The following PDE4C variants were observed in gnomAD, a reference collection of about 807,000 sequenced individuals.
PDE4C encodes phosphodiesterase 4C.
PDE4C carries 50 observed loss-of-function variants against 63.9 expected under a neutral mutation model. That is an observed-to-expected ratio of 0.78 (90% CI 0.62 to 0.99). The LOEUF is 0.99. Among genes scored for constraint, PDE4C ranks in the 50% least tolerant of loss-of-function variants. The pLI is 0.00. For missense variants in PDE4C, 777 were observed against 899.1 expected (o/e 0.86, Z 1.74); for synonymous variants, 377 against 385.1 (o/e 0.98, Z 0.25).
At chr19:18,237,869 T>G (rs560576032), upstream of PDE4C, among the ~76,000 whole-genome samples, 229 of 59,038 alleles carry the variant, frequency 3.9e-3, 3 homozygotes, top group African/African-American at 0.021. Flanking sequence ...CGAGACTCCA[T>G]CTCAAAAAAA....
intron 13 of PDE4C, among the ~76,000 whole-genome samples, chr19:18,212,699 G>GT (rs1427144404): frequency 1.3e-5 from 2 of 149,520 alleles, no homozygotes; most frequent in Non-Finnish European, 3.0e-5. Flanking sequence ...GTTTTGGCTT[G>GT]TTTTTTTGAG....
upstream of PDE4C, chr19:18,226,538 G>A (rs1968735565): frequency 7.2e-6 from 5 of 695,466 alleles, no homozygotes; most frequent in East Asian, 3.5e-5. Context: ...CGAGGCCGGC[G>A]GCTCCCTGAC....
At chr19:18,232,831 G>A in intron 1 of PDE4C, 1 of 1,198,606 alleles carries the variant, frequency 8.3e-7, no homozygotes, top group Non-Finnish European at 1.1e-6. Context: ...CCAGGCGCCA[G>A]CCTCAACCAA....
exon 10 of PDE4C, chr19:18,218,397 G>A (rs1568666268): frequency 6.2e-7 from 1 of 1,614,260 alleles, no homozygotes; most frequent in South Asian, 1.1e-5. Flanking sequence ...CATGTAGGCT[G>A]TTGTGGTAGG....
Position 18,215,716 on chromosome 19 carries a change from T to C in PDE4C, c.1389+1025A>G, listed in dbSNP as rs1346332704. On this transcript the variant is annotated intron_variant, in intron 12 of 14. Coordinates refer to ENST00000262805, the Ensembl canonical transcript of PDE4C. ...TTTTAGTAGAGACAGGGTTTCACCA[T>C]GTTGGCCAGGATGGTCTTGATCTCT... Among the ~76,000 whole-genome samples, 7 of 151,790 alleles carry C rather than the reference T, an allele frequency of 4.6e-5. 1 individual carries two copies. The highest frequency in any genetic ancestry group is 4.6e-4 in the Admixed American group (7 of 15,222).
upstream of PDE4C, among the ~76,000 whole-genome samples, chr19:18,251,676 A>ACCCCCCC (rs1969230557): frequency 0.025 from 589 of 23,582 alleles, 6 homozygotes; most frequent in African/African-American, 0.065. Context: ...CTCGTGATAC[A>ACCCCCCC]CGCCCCCCCC....
the PDE4C span, among the ~76,000 whole-genome samples, chr19:18,254,407 A>C: frequency 6.6e-6 from 1 of 152,192 alleles, no homozygotes; most frequent in Admixed American, 6.5e-5. Context: ...GAGCTGCTGA[A>C]GGGTTGACCA....
At chr19:18,224,334 C>T (rs1968631381) in intron 1 of PDE4C, 1 of 985,350 alleles carries the variant, frequency 1.0e-6, no homozygotes, top group African/African-American at 1.7e-5. Flanking sequence ...GGCCAGTGTC[C>T]GGCTGGTCCC....
chr19:18,227,461 C>T (rs906740758), upstream of PDE4C, among the ~76,000 whole-genome samples: 5 of 152,278 alleles, frequency 3.3e-5, no homozygotes, highest in Middle Eastern at 3.4e-3. Context: ...TTCTGTCCTG[C>T]GAAACCTCAG....
intron 1 of PDE4C, among the ~76,000 whole-genome samples, chr19:18,239,887 AT>A (rs1969009388): frequency 6.6e-6 from 1 of 151,994 alleles, no homozygotes; most frequent in Non-Finnish European, 1.5e-5. Flanking sequence ...TTAGCCGAGC[AT>A]GGCGCTTTGC....
chr19:18,234,969 T>A (rs1307487792), upstream of PDE4C, among the ~76,000 whole-genome samples: 1 of 152,230 alleles, frequency 6.6e-6, no homozygotes, highest in Non-Finnish European at 1.5e-5. Flanking sequence ...ACATGGTCAC[T>A]GGCTGGCTCT....
At chr19:18,234,791 A>G (rs1968922254), upstream of PDE4C, among the ~76,000 whole-genome samples, 1 of 152,128 alleles carries the variant, frequency 6.6e-6, no homozygotes, top group Non-Finnish European at 1.5e-5. Context: ...TTGGGCCAGG[A>G]TGTCAGACAG....
rs148010628 is a variant in PDE4C, at chr19:18,245,905, G to A, written c.-210+2266C>T. On this transcript the variant is annotated intron_variant, in intron 1 of 15. Transcript: ENST00000594617. ...GTTGTCCAGGCTGGAGTGCAGTGGC[G>A]CAATCTCAGCTCACTACAAACTTCA... Among the ~76,000 whole-genome samples, 261 of 151,246 alleles carry A rather than the reference G, an allele frequency of 1.7e-3. 2 individuals carry two copies. Among genetic ancestry groups the A allele is most frequent in the African/African-American group, 5.9e-3 (242 of 41,208 alleles).
At chr19:18,235,539 C>G (rs184307390), upstream of PDE4C, among the ~76,000 whole-genome samples, 7 of 152,248 alleles carry the variant, frequency 4.6e-5, no homozygotes, top group East Asian at 1.4e-3. Context: ...TGGCTCCCAC[C>G]CTGGTCCAAG....
At chr19:18,250,051 G>T, upstream of PDE4C, 1 of 398,730 alleles carries the variant, frequency 2.5e-6, no homozygotes, top group Non-Finnish European at 4.4e-6. Context: ...AATGGTAGGG[G>T]CTTTATTTCC....
At chr19:18,218,090 G>A (rs375339182) in intron 11 of PDE4C, 59 bp downstream of exon 11, 15 of 1,280,828 alleles carry the variant, frequency 1.2e-5, no homozygotes, top group African/African-American at 1.0e-4. Flanking sequence ...ATCACCTGGT[G>A]GACAGGGTGG....
At chr19:18,229,679 G>GTA (rs1315728348), upstream of PDE4C, among the ~76,000 whole-genome samples, 1 of 152,102 alleles carries the variant, frequency 6.6e-6, no homozygotes, top group African/African-American at 2.4e-5. Flanking sequence ...TTACAGATGA[G>GTA]TAAACTGAGA....
upstream of PDE4C, among the ~76,000 whole-genome samples, chr19:18,249,681 C>G (rs1288704742): frequency 6.6e-6 from 1 of 150,396 alleles, no homozygotes; most frequent in Non-Finnish European, 1.5e-5. Context: ...TCAAGCGATT[C>G]TCTGCCTCAG....
intron 1 of PDE4C, chr19:18,224,148 G>T: frequency 1.1e-6 from 1 of 949,960 alleles, no homozygotes; most frequent in Non-Finnish European, 1.3e-6. Flanking sequence ...CTCAAACCCT[G>T]TCTTTCCCTC....
Sources: allele counts gnomAD v4.1 joint callset (sites outside exome capture counted in the v4.1 genomes callset), GRCh38; gene constraint gnomAD v4.1.1; transcripts MANE v1.5; gene names NCBI Gene and HGNC (gene_info 2026-07-23, HGNC 2026-07-21).